The following SUGCT variants were observed in gnomAD, a reference collection of about 807,000 sequenced individuals.
The protein encoded by SUGCT is succinyl-CoA:glutarate-CoA transferase, also known as succinyl-CoA:glutarate CoA-transferase.
Under a neutral mutation model 55.0 loss-of-function variants are expected in SUGCT, and 41 were observed. That is an observed-to-expected ratio of 0.74 (90% CI 0.58 to 0.97). SUGCT has a LOEUF of 0.97. Among genes scored for constraint, SUGCT ranks in the 50% least tolerant of loss-of-function variants. The pLI is 0.00. For synonymous variants in SUGCT, 187 were observed against 200.4 expected, an observed-to-expected ratio of 0.93 and a Z score of 0.56; for missense variants, 568 against 547.8, an observed-to-expected ratio of 1.04 and a Z score of -0.37.
rs557757108 is a variant in SUGCT at position 40,249,319 on chromosome 7, A to C, written c.576+11593A>C. On this transcript the variant is annotated intron_variant, in intron 7 of 13. Transcript: ENST00000335693. Reference sequence around the variant, plus strand: ...AACAAAAAACACCAAAAAGCTATATATATATATATATATATATATATATAT... The same window carrying C: ...AACAAAAAACACCAAAAAGCTATATCTATATATATATATATATATATATAT... Among the ~76,000 whole-genome samples, 29 of 39,764 alleles carry C rather than the reference A, an allele frequency of 7.3e-4. 1 individual carries two copies. The highest frequency in any genetic ancestry group is 1.7e-3 in the African/African-American group (25 of 15,092). 26.1% of individuals were successfully genotyped at this position (39,764 alleles called of 152,430 possible). A position where few individuals can be genotyped will look rare whatever the true frequency, so the allele number is the denominator to read the frequency against.
intron 13 of SUGCT, among the ~76,000 whole-genome samples, chr7:40,830,333 A>C (rs896718694): frequency 9.2e-5 from 14 of 152,166 alleles, no homozygotes; most frequent in African/African-American, 2.9e-4. Flanking sequence ...TGCAGAGCAC[A>C]TATCAACAGA....
intron 7 of SUGCT, among the ~76,000 whole-genome samples, chr7:40,246,862 G>T (rs1789918635): frequency 1.3e-5 from 2 of 152,098 alleles, no homozygotes; most frequent in African/African-American, 4.8e-5. Context: ...GCCTCCCAAA[G>T]TGCTGAGATT....
At chr7:40,982,732 C>A in the SUGCT span, among the ~76,000 whole-genome samples, 1 of 152,076 alleles carries the variant, frequency 6.6e-6, no homozygotes, top group African/African-American at 2.4e-5. Context: ...CTCACTGCAG[C>A]CTTGACCTCC....
chr7:40,297,786 G>C lies in SUGCT; in HGVS notation c.721-18974G>C, dbSNP rs117309842. ...TTGACTCTAAACTACATCATTTCCT[G>C]AACTTTCTAATGTATTCTCAAGCAT... On this transcript the variant is annotated intron_variant, in intron 8 of 13. Coordinates refer to ENST00000335693, the MANE Select transcript of SUGCT (RefSeq NM_001193313.2). Among the ~76,000 whole-genome samples, 7 of 152,000 alleles carry C rather than the reference G, an allele frequency of 4.6e-5. No individual in the cohort carries two copies. The East Asian group carries it at 1.4e-3, about 29-fold the overall frequency.
chr7:40,204,048 G>T (rs1786787579), intron 6 of SUGCT, among the ~76,000 whole-genome samples: 1 of 151,928 alleles, frequency 6.6e-6, no homozygotes, highest in African/African-American at 2.4e-5. Context: ...GAGTGCAGTG[G>T]CATGATCATA....
chr7:40,339,809 T>C (rs948385736), intron 9 of SUGCT, among the ~76,000 whole-genome samples: 1 of 152,170 alleles, frequency 6.6e-6, no homozygotes, highest in Non-Finnish European at 1.5e-5. Flanking sequence ...CAGTTGGAAA[T>C]GCAGAAATCA....
At chr7:41,001,761 A>G in the SUGCT span, among the ~76,000 whole-genome samples, 3 of 152,162 alleles carry the variant, frequency 2.0e-5, no homozygotes, top group East Asian at 3.9e-4. Flanking sequence ...TAACAACTCC[A>G]TCTTCTAATA....
intron 9 of SUGCT, among the ~76,000 whole-genome samples, chr7:40,324,252 A>ATATATATGT (rs1554311560): frequency 8.5e-6 from 1 of 117,650 alleles, no homozygotes; most frequent in Non-Finnish European, 1.7e-5. Context: ...TAAATAAATA[A>ATATATATGT]ATATATATAT....
At chr7:40,959,487 C>G in the SUGCT span, among the ~76,000 whole-genome samples, 1 of 152,168 alleles carries the variant, frequency 6.6e-6, no homozygotes, top group African/African-American at 2.4e-5. Flanking sequence ...ACCACCTACT[C>G]AAGCCTCAGT....
intron 6 of SUGCT, among the ~76,000 whole-genome samples, chr7:40,212,927 G>A (rs1379850500): frequency 6.6e-6 from 1 of 151,948 alleles, no homozygotes; most frequent in African/African-American, 2.4e-5. Flanking sequence ...CTTGATGATG[G>A]TAATTATTTC....
chr7:40,558,907 T>A (rs889333784), intron 12 of SUGCT, among the ~76,000 whole-genome samples: 1 of 152,226 alleles, frequency 6.6e-6, no homozygotes, highest in Non-Finnish European at 1.5e-5. Context: ...TTCCTGTGAA[T>A]TGTCTATAAG....
chr7:40,367,142 A>T (rs1170591189), intron 9 of SUGCT, among the ~76,000 whole-genome samples: 3 of 151,986 alleles, frequency 2.0e-5, no homozygotes, highest in Admixed American at 6.6e-5. Flanking sequence ...GGAAATCATC[A>T]TTCTCAGTAA....
At chr7:40,779,763 G>A (rs983192058) in intron 13 of SUGCT, among the ~76,000 whole-genome samples, 2 of 152,148 alleles carry the variant, frequency 1.3e-5, no homozygotes, top group Non-Finnish European at 2.9e-5. Flanking sequence ...GCTGGGGTTT[G>A]CTGCCATAAT....
At chr7:40,776,267 T>C (rs1489657019) in intron 13 of SUGCT, among the ~76,000 whole-genome samples, 1 of 152,212 alleles carries the variant, frequency 6.6e-6, no homozygotes, top group Non-Finnish European at 1.5e-5. Context: ...TTCTCAACTA[T>C]CAAAATAGGA....
intron 11 of SUGCT, among the ~76,000 whole-genome samples, chr7:40,482,227 C>T (rs1791092453): frequency 6.6e-6 from 1 of 152,078 alleles, no homozygotes. Flanking sequence ...ATGATAGACC[C>T]TTATAGTGAA....
intron 6 of SUGCT, among the ~76,000 whole-genome samples, chr7:40,202,538 T>G (rs1258266395): frequency 1.3e-5 from 2 of 152,134 alleles, no homozygotes; most frequent in Admixed American, 1.3e-4. Flanking sequence ...CTTTTCCTAT[T>G]GTTAGCTGCT....
At chr7:40,353,660 G>T (rs1797747663) in intron 9 of SUGCT, among the ~76,000 whole-genome samples, 1 of 151,414 alleles carries the variant, frequency 6.6e-6, no homozygotes, top group Admixed American at 6.6e-5. Context: ...GATGGAGTTG[G>T]GTTCTTAAAA....
chr7:40,787,660 C>CAAAAAAAAAAAA (rs55764379), intron 13 of SUGCT, among the ~76,000 whole-genome samples: 10 of 48,426 alleles, frequency 2.1e-4, no homozygotes, highest in South Asian at 1.6e-3. Context: ...AAATTTTGAC[C>CAAAAAAAAAAAA]AAAAAAAAAA....
chr7:40,551,738 G>A (rs967484280), intron 12 of SUGCT, among the ~76,000 whole-genome samples: 1 of 152,216 alleles, frequency 6.6e-6, no homozygotes, highest in Non-Finnish European at 1.5e-5. Context: ...GGTAGGATAA[G>A]TGTCACAATA....
Sources: gnomAD v4.1 joint callset for allele counts (sites outside exome capture counted in the v4.1 genomes callset) on GRCh38, gnomAD v4.1.1 for gene constraint, MANE v1.5 for transcripts, NCBI Gene and HGNC (gene_info 2026-07-23, HGNC 2026-07-21) for gene names.